The following MAP3K2 variants were observed in gnomAD, a reference collection of about 807,000 sequenced individuals.
MAP3K2 encodes MAP/ERK kinase kinase 2.
In MAP3K2, 24 loss-of-function variants were observed where a neutral mutation model predicts 80.3. The observed-to-expected ratio is 0.30, with a 90% confidence interval of 0.22 to 0.42. The LOEUF (loss-of-function observed/expected upper bound fraction) is 0.42. MAP3K2 is among the 10% of genes least tolerant of loss of function. The pLI is 1.00. For missense variants in MAP3K2, 608 were observed against 750.1 expected (o/e 0.81, Z 2.21); for synonymous variants, 244 against 253.7 (o/e 0.96, Z 0.36).
At chr2:127,336,345 A>T (rs1686371341) in intron 4 of MAP3K2, among the ~76,000 whole-genome samples, 1 of 152,244 alleles carries the variant, frequency 6.6e-6, no homozygotes, top group Non-Finnish European at 1.5e-5. Flanking sequence ...AAAAGAATAA[A>T]GTTGTTCTCC....
chr2:127,350,454 C>CAAAAAAAAAAAAAA (rs752516255), intron 1 of MAP3K2, among the ~76,000 whole-genome samples: 1,932 of 98,776 alleles, frequency 0.02, no homozygotes, highest in East Asian at 0.026. Context: ...AAAACAAAAA[C>CAAAAAAAAAAAAAA]AAAAAAAAAA....
intron 1 of MAP3K2, among the ~76,000 whole-genome samples, chr2:127,346,972 C>CA: frequency 6.6e-6 from 1 of 151,886 alleles, no homozygotes; most frequent in East Asian, 1.9e-4. Context: ...GCCCGCGCGA[C>CA]AGAGCGAGAC....
intron 1 of MAP3K2, among the ~76,000 whole-genome samples, chr2:127,355,213 A>C (rs1181631682): frequency 2.0e-5 from 3 of 152,170 alleles, no homozygotes; most frequent in African/African-American, 7.2e-5. Flanking sequence ...AACCCAAGGC[A>C]CAAAAAACTT....
intron 1 of MAP3K2, among the ~76,000 whole-genome samples, chr2:127,345,945 C>A: frequency 6.6e-6 from 1 of 151,258 alleles, no homozygotes. Context: ...CCTTAAAATA[C>A]TAGAAGATGA....
At chr2:127,369,543 CT>C (rs891741319) in intron 1 of MAP3K2, among the ~76,000 whole-genome samples, 2 of 146,148 alleles carry the variant, frequency 1.4e-5, no homozygotes, top group Non-Finnish European at 3.0e-5. Context: ...TTGGAGATCT[CT>C]TTCCAAAGAC....
Position 127,299,386 on chromosome 2 carries a change from A to G in MAP3K2, c.*8193T>C, listed in dbSNP as rs998781135. The G allele has an allele frequency of 1.3e-5, 2 of 152,214 alleles. No homozygotes were observed. Among genetic ancestry groups the G allele is most frequent in the Non-Finnish European group, 2.9e-5 (2 of 68,000 alleles). The allele number at this position is 152,214 out of a possible 1,614,324, so 9.4% of individuals were successfully genotyped here. Reference sequence around the variant, plus strand: ...TTACAAAGAATCACAATATGCCAATATATTGTTTTATAAACCCAGTCTGAC... The same window carrying G: ...TTACAAAGAATCACAATATGCCAATGTATTGTTTTATAAACCCAGTCTGAC... On this transcript the variant is annotated 3_prime_UTR_variant, in exon 17 of 17. Coordinates refer to ENST00000682094, the MANE Select transcript of MAP3K2 (RefSeq NM_001371910.2).
At chr2:127,354,592 C>T (rs1292678317) in intron 1 of MAP3K2, among the ~76,000 whole-genome samples, 1 of 152,042 alleles carries the variant, frequency 6.6e-6, no homozygotes, top group East Asian at 1.9e-4. Context: ...CTGGTTCTAC[C>T]TAATGAAACT....
chr2:127,385,131 G>T (rs185003272), intron 1 of MAP3K2, among the ~76,000 whole-genome samples: 1 of 152,314 alleles, frequency 6.6e-6, no homozygotes, highest in East Asian at 1.9e-4. Flanking sequence ...ATGTTCTATG[G>T]TGAGTAAAAT....
chr2:127,345,075 A>C (rs762962987), intron 1 of MAP3K2, among the ~76,000 whole-genome samples: 9 of 152,202 alleles, frequency 5.9e-5, no homozygotes, highest in Non-Finnish European at 1.2e-4. Context: ...ACTGGTCTCA[A>C]GCTCCTGGGC....
At chr2:127,357,456 C>A (rs558267475) in intron 1 of MAP3K2, among the ~76,000 whole-genome samples, 1 of 152,240 alleles carries the variant, frequency 6.6e-6, no homozygotes, top group Admixed American at 6.5e-5. Flanking sequence ...CCACTGTACT[C>A]CAGCCTGGGC....
At chr2:127,367,451 G>T (rs893650448) in intron 1 of MAP3K2, among the ~76,000 whole-genome samples, 2 of 152,078 alleles carry the variant, frequency 1.3e-5, no homozygotes, top group African/African-American at 2.4e-5. Context: ...ACTGAATCAG[G>T]AGACATTAGG....
Position 127,307,717 on chromosome 2 carries a change from G to A in MAP3K2, c.1722C>T (p.Ala574=), listed in dbSNP as rs1233887970. 6.3e-7 allele frequency: 1 copy of A among 1,597,728 alleles called. No individual in the cohort carries two copies. Among genetic ancestry groups the A allele is most frequent in the Admixed American group, 1.7e-5 (1 of 57,522 alleles). ...GCAGCTTTGGGTTTGTTGGCTGAGTGGCGATTTTAAAGATGGCAGCCATTG... is the reference window on the plus strand; with the variant it reads ...GCAGCTTTGGGTTTGTTGGCTGAGTAGCGATTTTAAAGATGGCAGCCATTG... ...FEAMAAIFKI[A]TQPTNPKLPP... is the part of the protein sequence containing the mutation. Residue 574 remains alanine (A), a synonymous_variant, in exon 17 of 17, where the codon GCC becomes GCT. Coordinates refer to ENST00000682094, the MANE Select transcript of MAP3K2 (RefSeq NM_001371910.2). This position sits in a 1 kb window ranked among gnomAD's most constrained non-coding sequence, Gnocchi z 5.4.
At chr2:127,379,684 AAG>A (rs988353158) in intron 1 of MAP3K2, among the ~76,000 whole-genome samples, 48 of 152,358 alleles carry the variant, frequency 3.2e-4, no homozygotes, top group African/African-American at 1.2e-3. Context: ...ATAAATGTCA[AAG>A]AATGTTTTTA....
chr2:127,347,446 AAC>A (rs1686616269), intron 1 of MAP3K2, among the ~76,000 whole-genome samples: 1 of 152,172 alleles, frequency 6.6e-6, no homozygotes, highest in Admixed American at 6.5e-5. Flanking sequence ...ATTAGCAATA[AAC>A]ATTCTGGAAA....
chr2:127,357,020 C>T (rs537335221), intron 1 of MAP3K2, among the ~76,000 whole-genome samples: 11 of 152,232 alleles, frequency 7.2e-5, no homozygotes, highest in African/African-American at 2.2e-4. Context: ...ATTCAGACAA[C>T]TTCACACACA....
At chr2:127,366,810 T>G (rs1372960476) in intron 1 of MAP3K2, among the ~76,000 whole-genome samples, 1 of 151,288 alleles carries the variant, frequency 6.6e-6, no homozygotes, top group Non-Finnish European at 1.5e-5. Context: ...TGTTATTTTC[T>G]AAGGCTCAAT....
intron 1 of MAP3K2, among the ~76,000 whole-genome samples, chr2:127,370,266 T>C (rs1210961370): frequency 2.6e-5 from 4 of 152,162 alleles, no homozygotes; most frequent in African/African-American, 9.7e-5. Flanking sequence ...CCCTCCTCAG[T>C]GTCTGTGGGC....
At chr2:127,350,055 C>A (rs1413808240) in intron 1 of MAP3K2, among the ~76,000 whole-genome samples, 1 of 152,012 alleles carries the variant, frequency 6.6e-6, no homozygotes, top group Non-Finnish European at 1.5e-5. Flanking sequence ...TGCCACGCTG[C>A]CCTGATGTCT....
At chr2:127,359,634 T>C (rs1686852276) in intron 1 of MAP3K2, among the ~76,000 whole-genome samples, 2 of 152,212 alleles carry the variant, frequency 1.3e-5, no homozygotes, top group Admixed American at 1.3e-4. Context: ...GCCCCAATGC[T>C]GCAGCCTGGT....
Sources: gnomAD v4.1 joint callset for allele counts (sites outside exome capture counted in the v4.1 genomes callset) on GRCh38, gnomAD v4.1.1 for gene constraint, Gnocchi (gnomAD v3.1) non-coding constraint, MANE v1.5 for transcripts, NCBI Gene and HGNC (gene_info 2026-07-23, HGNC 2026-07-21) for gene names.